ZMYM2: variants seen among roughly 807,000 people sequenced by gnomAD.
The protein encoded by ZMYM2 is zinc finger MYM-type protein 2.
ZMYM2 carries 56 observed loss-of-function variants against 162.8 expected under a neutral mutation model. The observed-to-expected ratio is 0.34, with a 90% CI of 0.28 to 0.43. The LOEUF is 0.43. ZMYM2 is among the 20% of genes least tolerant of loss of function. The pLI is 1.00. For synonymous variants in ZMYM2, 510 were observed against 541.6 expected (o/e 0.94, Z 0.81); for missense variants, 1,275 against 1,621.8 (o/e 0.79, Z 3.67).
intron 14 of ZMYM2, among the ~76,000 whole-genome samples, chr13:20,056,423 A>G (rs915315076): frequency 6.6e-6 from 1 of 152,262 alleles, no homozygotes; most frequent in East Asian, 1.9e-4. Flanking sequence ...AGTTCTTTTC[A>G]TGCCCCCAAA....
chr13:19,901,330 A>AT, the ZMYM2 span, among the ~76,000 whole-genome samples: 1 of 152,240 alleles, frequency 6.6e-6, no homozygotes, highest in Non-Finnish European at 1.5e-5. Flanking sequence ...TAGTGCATTC[A>AT]TGTTCATAGC....
At chr13:20,036,332 A>G (rs1953701060) in intron 11 of ZMYM2, among the ~76,000 whole-genome samples, 1 of 151,978 alleles carries the variant, frequency 6.6e-6, no homozygotes, top group Non-Finnish European at 1.5e-5. Context: ...ATGCCCACTT[A>G]AGTTGAATAT....
the ZMYM2 span, among the ~76,000 whole-genome samples, chr13:19,946,310 G>A: frequency 6.6e-6 from 1 of 152,148 alleles, no homozygotes; most frequent in Non-Finnish European, 1.5e-5. Flanking sequence ...TGGCCTCCAA[G>A]GCCTTCCAGG....
chr13:20,084,747 GC>G (rs1343965655), intron 24 of ZMYM2, among the ~76,000 whole-genome samples: 5 of 152,160 alleles, frequency 3.3e-5, no homozygotes, highest in Non-Finnish European at 5.9e-5. Context: ...TTTTATGCTT[GC>G]CTGTTGTTTT....
chr13:20,075,240 A>G (rs1178390920), intron 21 of ZMYM2, among the ~76,000 whole-genome samples: 1 of 152,236 alleles, frequency 6.6e-6, no homozygotes, highest in Non-Finnish European at 1.5e-5. Context: ...TACAGTTGAC[A>G]GGAAGTATGA....
chr13:19,961,076 G>A (rs60622185), intron 2 of ZMYM2, among the ~76,000 whole-genome samples: 15,413 of 150,708 alleles, frequency 0.1, 1,295 homozygotes, highest in African/African-American at 0.22. Flanking sequence ...TACCTATGGC[G>A]TGTATTGAGC....
chr13:19,948,122 TGGAACGACA>T, the ZMYM2 span, among the ~76,000 whole-genome samples: 1 of 152,104 alleles, frequency 6.6e-6, no homozygotes, highest in South Asian at 2.1e-4. Context: ...AACAAAGATG[TGGAACGACA>T]GGAACTCTCA....
At chr13:19,973,981 A>G (rs531320392) in intron 2 of ZMYM2, among the ~76,000 whole-genome samples, 70 of 152,236 alleles carry the variant, frequency 4.6e-4, no homozygotes, top group Non-Finnish European at 9.3e-4. Context: ...TAGGGCATAT[A>G]AGAAAACTTT....
In ZMYM2 at chr13:20,064,418, C is replaced by T. The variant is rs1593192981; in HGVS notation, c.3038-33C>T. 3.2e-6 allele frequency: 5 copies of T among 1,540,638 alleles called. No homozygotes were observed. The East Asian group carries it at 1.2e-4, about 37-fold the overall frequency. On this transcript the variant is annotated intron_variant, in intron 18 of 24. Coordinates refer to ENST00000610343, the MANE Select transcript of ZMYM2 (RefSeq NM_197968.4). ...GTGTTTATGTAACCCTGTGCTATTT[C>T]ATTTAAAATAAAAGTTCTGATTTGG...
intron 16 of ZMYM2, 47 bp from the exon 17 acceptor site, chr13:20,061,006 C>G: frequency 6.5e-7 from 1 of 1,538,672 alleles, no homozygotes; most frequent in Non-Finnish European, 8.8e-7. Context: ...TGGAAAAATA[C>G]CTTTTAATGT....
chr13:19,867,845 C>G, the ZMYM2 span, among the ~76,000 whole-genome samples: 1 of 152,170 alleles, frequency 6.6e-6, no homozygotes, highest in Non-Finnish European at 1.5e-5. Flanking sequence ...AGGCTGGTCT[C>G]GAACTCCTGA....
the ZMYM2 span, among the ~76,000 whole-genome samples, chr13:19,923,145 A>G: frequency 6.7e-6 from 1 of 150,064 alleles, no homozygotes; most frequent in South Asian, 2.1e-4. Flanking sequence ...TTCGAGAACA[A>G]CTTGAACATG....
intron 11 of ZMYM2, among the ~76,000 whole-genome samples, chr13:20,035,632 T>A (rs925286767): frequency 6.6e-6 from 1 of 152,192 alleles, no homozygotes; most frequent in African/African-American, 2.4e-5. Flanking sequence ...AATAGACAAT[T>A]AGCAGCAAAT....
chr13:20,063,058 C>G, intron 18 of ZMYM2, 87 bp downstream of exon 18: 2 of 1,364,490 alleles, frequency 1.5e-6, no homozygotes, highest in East Asian at 2.6e-5. Flanking sequence ...GTGTCATTGC[C>G]TTTTAGCAGT....
chr13:20,039,180 A>G (rs554813932), intron 12 of ZMYM2, among the ~76,000 whole-genome samples: 30 of 152,304 alleles, frequency 2.0e-4, no homozygotes, highest in African/African-American at 5.5e-4. Context: ...GGCTGAGCCT[A>G]TGGAGTTTTC....
At chr13:20,021,068 C>T (rs1952045164) in intron 7 of ZMYM2, among the ~76,000 whole-genome samples, 1 of 151,708 alleles carries the variant, frequency 6.6e-6, no homozygotes, top group East Asian at 1.9e-4. Context: ...CTCTGCCTTC[C>T]AGGTTAACGC....
In ZMYM2 at chr13:20,003,328, A is replaced by T. The variant is rs1444355881; in HGVS notation, c.1133+193A>T. Among the ~76,000 whole-genome samples, 5 of 152,198 alleles carry T rather than the reference A, an allele frequency of 3.3e-5. 1 individual carries two copies. The highest frequency in any genetic ancestry group is 3.3e-4 in the Admixed American group (5 of 15,276). ...GGTCCTTATAATTAATTTTGTCTGT[A>T]ATCTCCATTGGACTCTTTGATTTTG... On this transcript the variant is annotated intron_variant, in intron 4 of 24. Coordinates refer to ENST00000610343, the MANE Select transcript of ZMYM2 (RefSeq NM_197968.4).
chr13:19,882,583 CCAAAAATA>C, the ZMYM2 span, among the ~76,000 whole-genome samples: 1 of 151,928 alleles, frequency 6.6e-6, no homozygotes, highest in Non-Finnish European at 1.5e-5. Context: ...CCAGTCTCTA[CCAAAAATA>C]CAAAAATTCG....
chr13:19,878,733 G>T, the ZMYM2 span, among the ~76,000 whole-genome samples: 1 of 152,024 alleles, frequency 6.6e-6, no homozygotes, highest in Non-Finnish European at 1.5e-5. Flanking sequence ...TGTTGGTCAG[G>T]CTGGTCTTGA....
Sources: allele counts gnomAD v4.1 joint callset (sites outside exome capture counted in the v4.1 genomes callset), GRCh38; gene constraint gnomAD v4.1.1; transcripts MANE v1.5; gene names NCBI Gene and HGNC (gene_info 2026-07-23, HGNC 2026-07-21).